The following TGFBR3 variants were observed in gnomAD, a reference collection of about 807,000 sequenced individuals.
TGFBR3 encodes the protein transforming growth factor beta receptor type 3.
In TGFBR3, 46 loss-of-function variants were observed where a neutral mutation model predicts 87.9. The observed-to-expected ratio is 0.52, with a 90% CI of 0.41 to 0.67. The LOEUF (loss-of-function observed/expected upper bound fraction) is 0.67, where lower values mean the gene tolerates loss of function less well. TGFBR3 is among the 30% of genes least tolerant of loss of function. The pLI is 0.00. For missense variants in TGFBR3, 866 were observed against 1,041.9 expected (o/e 0.83, Z 2.32); for synonymous variants, 381 against 391.6 (o/e 0.97, Z 0.32).
intron 2 of TGFBR3, among the ~76,000 whole-genome samples, chr1:91,841,530 T>C (rs186909102): frequency 2.8e-4 from 43 of 151,862 alleles, no homozygotes; most frequent in East Asian, 1.2e-3. Flanking sequence ...CGCAGTGGCT[T>C]ACACCTGTAA....
At chr1:91,708,629 G>GC in intron 14 of TGFBR3, 34 bp downstream of exon 14, 2 of 1,613,638 alleles carry the variant, frequency 1.2e-6, no homozygotes, top group Non-Finnish European at 1.7e-6. Flanking sequence ...CAGAGCTCAG[G>GC]CCCCATGCTC....
intron 2 of TGFBR3, among the ~76,000 whole-genome samples, chr1:91,827,705 AC>A (rs1176063858): frequency 6.6e-6 from 1 of 152,220 alleles, no homozygotes; most frequent in Non-Finnish European, 1.5e-5. Context: ...TTACTGAATG[AC>A]TACAGGAAAT....
chr1:91,836,487 T>C (rs989365187), intron 2 of TGFBR3, among the ~76,000 whole-genome samples: 7 of 152,230 alleles, frequency 4.6e-5, no homozygotes, highest in African/African-American at 1.4e-4. Context: ...CCGTGGGATA[T>C]GCACCCAGGC....
chr1:91,705,629 A>G (rs1447542614), intron 14 of TGFBR3, among the ~76,000 whole-genome samples: 1 of 152,206 alleles, frequency 6.6e-6, no homozygotes, highest in Non-Finnish European at 1.5e-5. Context: ...TCAAAAGAAA[A>G]TAAACTTAAA....
chr1:91,796,875 C>G (rs886506153), intron 3 of TGFBR3, among the ~76,000 whole-genome samples: 1 of 151,956 alleles, frequency 6.6e-6, no homozygotes, highest in Admixed American at 6.6e-5. Flanking sequence ...AACTACCACA[C>G]CCTGCTAATT....
At chr1:91,865,913 CAAAAAA>C (rs11330651) in intron 1 of TGFBR3, among the ~76,000 whole-genome samples, 1 of 108,844 alleles carries the variant, frequency 9.2e-6, no homozygotes. Flanking sequence ...CTACGTCTCC[CAAAAAA>C]AAAAAAAAAA....
intron 3 of TGFBR3, among the ~76,000 whole-genome samples, chr1:91,773,553 C>T (rs923009794): frequency 1.4e-4 from 21 of 152,090 alleles, no homozygotes; most frequent in Admixed American, 6.5e-4. Context: ...TGGTGGCAGG[C>T]GCCTGTAATC....
At chr1:91,711,039 C>T (rs1671963101) in intron 13 of TGFBR3, among the ~76,000 whole-genome samples, 1 of 152,122 alleles carries the variant, frequency 6.6e-6, no homozygotes. Context: ...CTAGGTCTCC[C>T]CTCCAAGACC....
intron 2 of TGFBR3, chr1:91,829,735 C>T: frequency 6.6e-6 from 1 of 152,146 alleles, no homozygotes; most frequent in Non-Finnish European, 1.5e-5. Context: ...TCAGTTGTTC[C>T]AGACAAGGGG....
At chr1:91,898,593 C>T (rs899232771) in intron 2 of TGFBR3, among the ~76,000 whole-genome samples, 28 of 152,082 alleles carry the variant, frequency 1.8e-4, no homozygotes, top group African/African-American at 5.6e-4. Flanking sequence ...CCCGCCACCA[C>T]GCCCAGCTAA....
rs868254483 is a variant in TGFBR3 at position 91,853,277 on chromosome 1, A to C, written c.61+8194T>G. Among the ~76,000 whole-genome samples, 43 of 151,176 alleles carry C rather than the reference A, an allele frequency of 2.8e-4. No individual in the cohort carries two copies. In the South Asian group the frequency reaches 9.0e-3, roughly 32 times the overall value. On this transcript the variant is annotated intron_variant, in intron 2 of 16. Transcript: ENST00000212355. ...GGGTTGGCAAAAAAAAAAAAAAAAAAAAAAAGAAGAAGAAGAAAAAAAGGG... is the reference window on the plus strand; with the variant it reads ...GGGTTGGCAAAAAAAAAAAAAAAAACAAAAAGAAGAAGAAGAAAAAAAGGG...
chr1:91,682,864 A>G lies in TGFBR3; in HGVS notation c.*875T>C. 2 of 453,172 alleles carry G rather than the reference A, an allele frequency of 4.4e-6. No individual in the cohort carries two copies. Among genetic ancestry groups the G allele is most frequent in the Non-Finnish European group, 8.9e-6 (2 of 225,850 alleles). 28.1% of individuals were successfully genotyped at this position (453,172 alleles called of 1,614,324 possible). On this transcript the variant is annotated 3_prime_UTR_variant, in exon 17 of 17. Coordinates refer to ENST00000212355, the MANE Select transcript of TGFBR3 (RefSeq NM_003243.5). The stretch of plus-strand genomic sequence containing the variant: ...CTTGTACTTGCATACACATAGAAAT[A>G]TATCACTGTGCAAATTCGTCCTTGA...
chr1:91,700,545 C>T (rs1671583790), intron 14 of TGFBR3, among the ~76,000 whole-genome samples: 1 of 152,072 alleles, frequency 6.6e-6, no homozygotes, highest in Non-Finnish European at 1.5e-5. Context: ...TTGAATGGTG[C>T]CCCCTGGAGT....
rs1679617719 is a variant in TGFBR3 at position 91,898,923 on chromosome 1, T to C, written c.-114+714A>G. On this transcript the variant is annotated intron_variant, in intron 2 of 17. Coordinates refer to the TGFBR3 transcript ENST00000370399. ...CCCTTGCATTACTATACTATTACAATTTTTGTTTATAAGTTGCCTTAAAGG... is the reference window on the plus strand; with the variant it reads ...CCCTTGCATTACTATACTATTACAACTTTTGTTTATAAGTTGCCTTAAAGG... 2.6e-5 allele frequency among the ~76,000 whole-genome samples: 4 copies of C among 152,208 alleles called. No homozygotes were observed. The South Asian group carries it at 8.3e-4, about 31-fold the overall frequency.
At chr1:91,808,487 A>T (rs1293438721) in intron 2 of TGFBR3, among the ~76,000 whole-genome samples, 1 of 152,128 alleles carries the variant, frequency 6.6e-6, no homozygotes, top group Non-Finnish European at 1.5e-5. Context: ...GTTTTTGGAG[A>T]CACAGTCTCA....
intron 2 of TGFBR3, among the ~76,000 whole-genome samples, chr1:91,892,190 A>C (rs560647041): frequency 6.6e-6 from 1 of 152,298 alleles, no homozygotes; most frequent in East Asian, 1.9e-4. Flanking sequence ...CTGATGAAGC[A>C]GGAAACCTCA....
intron 3 of TGFBR3, among the ~76,000 whole-genome samples, chr1:91,785,805 T>C (rs1674936136): frequency 6.6e-6 from 1 of 151,504 alleles, no homozygotes; most frequent in Non-Finnish European, 1.5e-5. Context: ...TCTCGCTCTG[T>C]CTCCCAGGTT....
chr1:91,729,703 C>T (rs534381187), intron 6 of TGFBR3, 102 bp downstream of exon 6: 33 of 1,345,078 alleles, frequency 2.5e-5, no homozygotes, highest in Middle Eastern at 2.3e-4. Context: ...TTCCCTCCTG[C>T]GTAGGGGAGG....
At chr1:91,765,113 G>A (rs957539995) in intron 3 of TGFBR3, among the ~76,000 whole-genome samples, 6 of 151,446 alleles carry the variant, frequency 4.0e-5, no homozygotes, top group Non-Finnish European at 5.9e-5. Context: ...TGTGTGGCCC[G>A]AGACAATTCT....
Sources: allele counts gnomAD v4.1 joint callset (sites outside exome capture counted in the v4.1 genomes callset), GRCh38; gene constraint gnomAD v4.1.1; transcripts MANE v1.5; gene names NCBI Gene and HGNC (gene_info 2026-07-23, HGNC 2026-07-21).